The following MAGOHB variants were observed in gnomAD, a reference collection of about 807,000 sequenced individuals.
MAGOHB encodes the protein mago homolog B, exon junction complex subunit.
In MAGOHB, 15 loss-of-function variants were observed where a neutral mutation model predicts 20.9. The ratio of observed to expected loss-of-function variants is 0.72; its 90% confidence interval spans 0.48 to 1.11. MAGOHB has a LOEUF of 1.11. Among genes scored for constraint, MAGOHB ranks in the 50% least tolerant of loss-of-function variants. MAGOHB has a pLI of 0.00. For synonymous variants in MAGOHB, 50 were observed against 57.9 expected, an observed-to-expected ratio of 0.86 and a Z score of 0.62; for missense variants, 162 against 177.6, an observed-to-expected ratio of 0.91 and a Z score of 0.50.
downstream of MAGOHB, among the ~76,000 whole-genome samples, chr12:10,602,570 A>C (rs1392996899): frequency 6.6e-6 from 1 of 152,234 alleles, no homozygotes; most frequent in Non-Finnish European, 1.5e-5. Context: ...ACTTTATCAC[A>C]TCCAGTTAAT....
At chr12:10,609,598 G>T (rs1865686645) in intron 3 of MAGOHB, 7 of 520,182 alleles carry the variant, frequency 1.3e-5, no homozygotes, top group Non-Finnish European at 2.1e-5. Context: ...ACGTTGGCTG[G>T]GGTGACTACA....
At chr12:10,609,247 A>G (rs74060455) in intron 3 of MAGOHB, 6,806 of 318,622 alleles carry the variant, frequency 0.021, 421 homozygotes, top group African/African-American at 0.13. Flanking sequence ...GTGAAATTAA[A>G]TGTTTCTTCC....
intron 3 of MAGOHB, chr12:10,609,159 A>G (rs1865680418): frequency 4.9e-6 from 1 of 203,154 alleles, no homozygotes; most frequent in Non-Finnish European, 1.1e-5. Context: ...ACAGAGTGTC[A>G]GCATGTGTTA....
downstream of MAGOHB, among the ~76,000 whole-genome samples, chr12:10,602,820 C>T (rs556419102): frequency 6.6e-6 from 1 of 152,262 alleles, no homozygotes; most frequent in Admixed American, 6.5e-5. Flanking sequence ...CACCTTCAAA[C>T]CTTCGGGTCA....
At chr12:10,603,313 C>CA (rs11296285), downstream of MAGOHB, among the ~76,000 whole-genome samples, 1,374 of 74,954 alleles carry the variant, frequency 0.018, 17 homozygotes, top group Middle Eastern at 0.023. Context: ...GACTCCGTCT[C>CA]AAAAAAAAAA....
chr12:10,607,090 G>A (rs1463557164), intron 4 of MAGOHB, among the ~76,000 whole-genome samples: 1 of 152,178 alleles, frequency 6.6e-6, no homozygotes, highest in Non-Finnish European at 1.5e-5. Context: ...TAGTTTAAAA[G>A]CATTTGGATG....
At position 10,613,548 on chromosome 12, in the gene MAGOHB, G is replaced by T. The variant is rs753963798; in HGVS notation, c.-16C>A. 1 of 1,596,008 alleles carries T rather than the reference G, an allele frequency of 6.3e-7. No homozygotes were observed. Among genetic ancestry groups the T allele is most frequent in the Admixed American group, 1.7e-5 (1 of 59,996 alleles). On this transcript the variant is annotated 5_prime_UTR_variant, in exon 1 of 5. Transcript: ENST00000320756. ...CCACAGCCATTTTTGTACCCGGGAA[G>T]CCCGCCGAAAACGCAGCCAACGTGT...
In MAGOHB at chr12:10,612,856, T is replaced by C. The variant is rs749036100; in HGVS notation, c.94+583A>G. ...ACTGCTCTGGAAGTCTGTTTTTTTC[T>C]CTCAAAGGCCAAGTCTCTCATTTCG... On this transcript the variant is annotated intron_variant, in intron 1 of 4. Coordinates refer to ENST00000320756, the MANE Select transcript of MAGOHB (RefSeq NM_018048.5). 298 of 1,289,034 alleles carry C rather than the reference T, an allele frequency of 2.3e-4. 2 individuals carry two copies. The Admixed American group carries it at 2.5e-3, about 11-fold the overall frequency. The allele number at this position is 1,289,034 out of a possible 1,614,324, so 79.8% of individuals were successfully genotyped here.
At chr12:10,601,707 A>T (rs1865556906), downstream of MAGOHB, among the ~76,000 whole-genome samples, 2 of 152,346 alleles carry the variant, frequency 1.3e-5, no homozygotes, top group South Asian at 4.1e-4. Context: ...TGTTACTTGA[A>T]GTCCAAGATT....
chr12:10,612,037 A>G (rs1444854857), intron 1 of MAGOHB, among the ~76,000 whole-genome samples: 1 of 152,090 alleles, frequency 6.6e-6, no homozygotes, highest in Admixed American at 6.5e-5. Flanking sequence ...GTAAGGTTAA[A>G]TACAGTGATT....
In MAGOHB at chr12:10,609,209, A is replaced by C. The variant is rs116587804; in HGVS notation, c.264+622T>G. The C allele has an allele frequency of 4.0e-3, 960 of 241,328 alleles. 5 individuals are homozygous for C. Among genetic ancestry groups the C allele is most frequent in the African/African-American group, 0.02 (878 of 44,804 alleles). The allele number at this position is 241,328 out of a possible 1,614,324, so 14.9% of individuals were successfully genotyped here. Reference sequence around the variant, plus strand: ...TTCTTCTATTCAAAGAAGGTGATACAAAGTACAATCCTCAGGGATATACAA... The same window carrying C: ...TTCTTCTATTCAAAGAAGGTGATACCAAGTACAATCCTCAGGGATATACAA... On this transcript the variant is annotated intron_variant, in intron 3 of 4. Transcript: ENST00000320756.
At chr12:10,603,255 A>C (rs1591659943), downstream of MAGOHB, among the ~76,000 whole-genome samples, 2 of 147,940 alleles carry the variant, frequency 1.4e-5, no homozygotes, top group East Asian at 4.0e-4. Context: ...CGGAGCTTGC[A>C]GTGAGCCGAG....
At chr12:10,612,325 G>T (rs1244495787) in intron 1 of MAGOHB, among the ~76,000 whole-genome samples, 1 of 152,144 alleles carries the variant, frequency 6.6e-6, no homozygotes, top group Non-Finnish European at 1.5e-5. Context: ...TTGCACTAGG[G>T]AGGGGGAGGT....
At position 10,606,158 on chromosome 12, in the gene MAGOHB, G is replaced by A; in HGVS notation, c.*117C>T. 1.7e-6 allele frequency: 1 copy of A among 573,094 alleles called. No individual in the cohort carries two copies. The highest frequency in any genetic ancestry group is 3.1e-6 in the Non-Finnish European group (1 of 327,712). The allele number at this position is 573,094 out of a possible 1,614,324, so 35.5% of individuals were successfully genotyped here. On this transcript the variant is annotated 3_prime_UTR_variant, in exon 5 of 5. Transcript: ENST00000320756. ...TTGCTAATGTATTTTCTTATTTTCA[G>A]TTTACATACAAATTTTTTTTGTTTG...
chr12:10,612,832 C>T (rs1479755186), intron 1 of MAGOHB: 1 of 1,289,042 alleles, frequency 7.8e-7, no homozygotes, highest in Non-Finnish European at 1.0e-6. Flanking sequence ...TCTGCTCATA[C>T]TGCTCTGGAA....
In MAGOHB at chr12:10,610,637, G is replaced by C. The variant is rs10845182; in HGVS notation, c.138C>G (p.Val46=). 0.79 allele frequency: 1,221,812 copies of C among 1,548,650 alleles called. 485,573 individuals are homozygous for C. The highest frequency in any genetic ancestry group is 0.99 in the East Asian group (41,666 of 42,026). The change falls in exon 2 of 5, where the codon GTC becomes GTG. Residue 46 remains valine (V), a synonymous_variant. Transcript: ENST00000320756. The stretch of plus-strand genomic sequence containing the variant: ...TAGAACTTACCTCTTTTCTGATCAT[G>C]ACATCATTTTTGTAATTGCTGTTGT... ...YANNSNYKND[V]MIRKEAYVHK... is the part of the protein sequence containing the mutation.
At chr12:10,606,462 T>TA (rs1865631790) in intron 4 of MAGOHB, 88 bp from the exon 5 acceptor site, 10 of 715,768 alleles carry the variant, frequency 1.4e-5, no homozygotes, top group Non-Finnish European at 2.3e-5. Context: ...CAAAATCTCA[T>TA]AACAATTAAG....
chr12:10,603,147 T>TAA (rs200072443), downstream of MAGOHB, among the ~76,000 whole-genome samples: 6 of 151,312 alleles, frequency 4.0e-5, no homozygotes, highest in Non-Finnish European at 7.4e-5. Flanking sequence ...CCATCTCTAC[T>TAA]AAAAAAAATA....
At chr12:10,602,956 G>A (rs1210867490), downstream of MAGOHB, among the ~76,000 whole-genome samples, 2 of 152,042 alleles carry the variant, frequency 1.3e-5, no homozygotes, top group African/African-American at 4.8e-5. Flanking sequence ...CACTTCACTG[G>A]GAGGACTAAC....
Sources: gnomAD v4.1 joint callset for allele counts (sites outside exome capture counted in the v4.1 genomes callset) on GRCh38, gnomAD v4.1.1 for gene constraint, MANE v1.5 for transcripts, NCBI Gene and HGNC (gene_info 2026-07-23, HGNC 2026-07-21) for gene names.